Variants in CDH23 observed in about 807,000 individuals in gnomAD.
CDH23 encodes cadherin related 23.
CDH23 carries 189 observed loss-of-function variants against 317.1 expected under a neutral mutation model. The ratio of observed to expected loss-of-function variants is 0.60; its 90% CI spans 0.53 to 0.67. The LOEUF is 0.67. Among genes scored for constraint, CDH23 ranks in the 30% least tolerant of loss-of-function variants. CDH23 has a pLI of 0.00. For synonymous variants in CDH23, 1,839 were observed against 1,876.8 expected (o/e 0.98, Z 0.52); for missense variants, 4,401 against 4,592.4 (o/e 0.96, Z 1.20).
intron 17 of CDH23, among the ~76,000 whole-genome samples, chr10:71,682,045 GAGAC>G (rs141018202): frequency 0.031 from 4,719 of 152,082 alleles, 254 homozygotes; most frequent in East Asian, 0.24. Context: ...ATGAGTGAGT[GAGAC>G]AGACAGACAG....
intron 1 of CDH23, among the ~76,000 whole-genome samples, chr10:71,417,062 T>C (rs1848566075): frequency 1.3e-5 from 2 of 151,456 alleles, no homozygotes; most frequent in Non-Finnish European, 2.9e-5. Flanking sequence ...GTCTTTTCCT[T>C]TCTTCTTTTC....
At chr10:71,577,816 G>A in intron 8 of CDH23, 98 bp from the exon 9 acceptor site, 2 of 1,059,418 alleles carry the variant, frequency 1.9e-6, no homozygotes, top group South Asian at 2.8e-5. Context: ...TTGCAGCCAG[G>A]ATCAGCCTGG....
At chr10:71,681,937 G>A (rs1244010747) in intron 17 of CDH23, among the ~76,000 whole-genome samples, 1 of 152,216 alleles carries the variant, frequency 6.6e-6, no homozygotes, top group African/African-American at 2.4e-5. Context: ...TGCTTACCTG[G>A]AGAGAGGAGT....
intron 44 of CDH23, among the ~76,000 whole-genome samples, chr10:71,786,683 A>C (rs1454558566): frequency 6.6e-6 from 1 of 151,944 alleles, no homozygotes; most frequent in Admixed American, 6.6e-5. Context: ...TTTTTAGCAG[A>C]GATGGGATTT....
Position 71,465,079 on chromosome 10 carries a change from G to A in CDH23, c.145+18684G>A, listed in dbSNP as rs190305123. Reference sequence around the variant, plus strand: ...TCTAGAGCTAATACAGTAGTCATTAGCCACGTGTAGCTCTTTACATGCAAA... The same window carrying A: ...TCTAGAGCTAATACAGTAGTCATTAACCACGTGTAGCTCTTTACATGCAAA... On this transcript the variant is annotated intron_variant, in intron 3 of 69. Transcript: ENST00000224721. 1.1e-3 allele frequency among the ~76,000 whole-genome samples: 161 copies of A among 152,342 alleles called. 3 individuals are homozygous for A. In the East Asian group the frequency reaches 0.019, roughly 18 times the overall value.
chr10:71,687,025 G>T (rs1024282677), intron 18 of CDH23, among the ~76,000 whole-genome samples: 4 of 152,212 alleles, frequency 2.6e-5, no homozygotes, highest in African/African-American at 9.7e-5. Flanking sequence ...GGCTGGAAGA[G>T]ATATTGCTTT....
At chr10:71,777,493 A>G (rs576070494) in intron 38 of CDH23, among the ~76,000 whole-genome samples, 187 bp from the exon 39 acceptor site, 3 of 152,232 alleles carry the variant, frequency 2.0e-5, no homozygotes, top group Admixed American at 2.0e-4. Flanking sequence ...CAGTTACCTT[A>G]CTTGGCTTTT....
At chr10:71,409,067 C>A (rs1193438069) in intron 1 of CDH23, among the ~76,000 whole-genome samples, 1 of 152,206 alleles carries the variant, frequency 6.6e-6, no homozygotes, top group Non-Finnish European at 1.5e-5. Flanking sequence ...ATCAGGCCTG[C>A]CCCTAGTCTC....
intron 3 of CDH23, among the ~76,000 whole-genome samples, chr10:71,480,487 G>T (rs979587033): frequency 1.3e-5 from 2 of 152,236 alleles, no homozygotes; most frequent in Non-Finnish European, 2.9e-5. Flanking sequence ...GCCTGCTGGA[G>T]CCTGGGCTGT....
intron 6 of CDH23, among the ~76,000 whole-genome samples, chr10:71,566,342 A>G (rs1857397292): frequency 1.3e-5 from 2 of 152,118 alleles, no homozygotes; most frequent in African/African-American, 2.4e-5. Flanking sequence ...TGTTAAGTGC[A>G]TGGTCTGTCT....
intron 1 of CDH23, among the ~76,000 whole-genome samples, chr10:71,438,421 CTG>C (rs1482260120): frequency 2.0e-5 from 3 of 150,824 alleles, no homozygotes; most frequent in African/African-American, 7.3e-5. Context: ...CTTCAAATGA[CTG>C]TCTCATACTT....
chr10:71,710,306 G>T (rs1429747338), intron 27 of CDH23, among the ~76,000 whole-genome samples: 6 of 152,190 alleles, frequency 3.9e-5, no homozygotes, highest in African/African-American at 1.2e-4. Flanking sequence ...GATCCATTCT[G>T]CCCCAGTGCC....
intron 38 of CDH23, among the ~76,000 whole-genome samples, chr10:71,765,195 T>C (rs1840504621): frequency 6.6e-6 from 1 of 152,236 alleles, no homozygotes; most frequent in South Asian, 2.1e-4. Context: ...TCCCAGCTTC[T>C]GCCCCTTTCT....
rs549265595 is a variant in CDH23 at position 71,585,678 on chromosome 10, G to T, written c.832+7686G>T. Among the ~76,000 whole-genome samples the T allele has an allele frequency of 2.2e-3, 330 of 152,308 alleles. 2 individuals are homozygous for T. Among genetic ancestry groups the T allele is most frequent in the Non-Finnish European group, 2.8e-3 (191 of 68,020 alleles). On this transcript the variant is annotated intron_variant, in intron 9 of 69. Transcript: ENST00000224721. ...CTTTCTCCTGATGAGCCACAGAAAA[G>T]TCTGCACTTCTTCCTTCCCCCTGAT... is the stretch of plus-strand genomic sequence containing the variant.
At position 71,567,000 on chromosome 10, in the gene CDH23, C is replaced by T. The variant is rs7087735; in HGVS notation, c.624+64C>T. The T allele has an allele frequency of 0.35, 525,862 of 1,490,842 alleles. 94,327 individuals are homozygous for T. Among genetic ancestry groups the T allele is most frequent in the East Asian group, 0.54 (23,346 of 43,082 alleles). 92.4% of individuals were successfully genotyped at this position (1,490,842 alleles called of 1,614,324 possible). A position where few individuals can be genotyped will look rare whatever the true frequency, so the allele number is the denominator to read the frequency against. On this transcript the variant is annotated intron_variant, in intron 7 of 69. Coordinates refer to ENST00000224721, the MANE Select transcript of CDH23 (RefSeq NM_022124.6). ...CTCTTCCCACCCTGGAAGAGAGTGA[C>T]GGGGCATTCCAATGGGACATTGACC... is the stretch of plus-strand genomic sequence containing the variant.
At position 71,802,949 on chromosome 10, in the gene CDH23, C is replaced by A; in HGVS notation, c.7534C>A (p.Pro2512Thr). The A allele has an allele frequency of 6.2e-7, 1 of 1,614,038 alleles. No homozygotes were observed. Among genetic ancestry groups the A allele is most frequent in the South Asian group, 1.1e-5 (1 of 91,088 alleles). The stretch of plus-strand genomic sequence containing the variant: ...TGACTGCCGGCCACAGTTCTCCAAG[C>A]CCCAGTTCAGCACAAGCGTGTATGA... ...VNDCRPQFSKPQFSTSVYENE... is the reference protein window; with the variant it reads ...VNDCRPQFSKTQFSTSVYENE... The change falls in exon 54 of 70, where the codon CCC (proline) becomes ACC (threonine). Residue 2512 changes from proline (P) to threonine (T), a missense_variant. Coordinates refer to ENST00000224721, the MANE Select transcript of CDH23 (RefSeq NM_022124.6).
intron 3 of CDH23, among the ~76,000 whole-genome samples, chr10:71,478,674 C>T (rs1851914916): frequency 6.6e-6 from 1 of 152,150 alleles, no homozygotes; most frequent in South Asian, 2.1e-4. Context: ...TCCCATGCCT[C>T]CCCTGCCCCC....
rs80252038 is a variant in CDH23, at chr10:71,415,627, A to G, written c.-6+18309A>G. Among the ~76,000 whole-genome samples, 15 of 152,268 alleles carry G rather than the reference A, an allele frequency of 9.9e-5. No individual in the cohort carries two copies. In the East Asian group the frequency reaches 2.7e-3, roughly 27 times the overall value. On this transcript the variant is annotated intron_variant, in intron 1 of 69. Transcript: ENST00000224721. ...TTTTATAGATTTTCTTCTTTTCTAA[A>G]ATCTGAACTTAAGGCTGTAAATTTT... is the stretch of plus-strand genomic sequence containing the variant.
intron 19 of CDH23, among the ~76,000 whole-genome samples, chr10:71,689,055 G>A (rs1865062433): frequency 7.3e-6 from 1 of 136,492 alleles, no homozygotes; most frequent in Non-Finnish European, 1.7e-5. Context: ...AGCCAGGGAT[G>A]GTGGAGCCAG....
Sources: gnomAD v4.1 joint callset for allele counts (sites outside exome capture counted in the v4.1 genomes callset) on GRCh38, gnomAD v4.1.1 for gene constraint, MANE v1.5 for transcripts, NCBI Gene and HGNC (gene_info 2026-07-23, HGNC 2026-07-21) for gene names.